MPRIP: variants seen among roughly 807,000 people sequenced by gnomAD.
The protein encoded by MPRIP is myosin phosphatase Rho interacting protein, also known as myosin phosphatase Rho-interacting protein.
A neutral mutation model predicts 234.9 loss-of-function variants in MPRIP; 59 were observed. The observed-to-expected ratio is 0.25, with a 90% confidence interval of 0.20 to 0.31. MPRIP has a LOEUF of 0.31. Among genes scored for constraint, MPRIP ranks in the 10% least tolerant of loss-of-function variants. The pLI is 1.00. For missense variants in MPRIP, 2,436 were observed against 3,071.0 expected (o/e 0.79, Z 4.89); for synonymous variants, 1,144 against 1,263.9 (o/e 0.91, Z 2.01).
Position 17,122,600 on chromosome 17 carries a change from G to A in MPRIP, c.268-4102G>A, listed in dbSNP as rs559988914. Among the ~76,000 whole-genome samples, 5 of 152,256 alleles carry A rather than the reference G, an allele frequency of 3.3e-5. No homozygotes were observed. The East Asian group carries it at 7.7e-4, about 24-fold the overall frequency. On this transcript the variant is annotated intron_variant, in intron 3 of 23. Transcript: ENST00000651222. Reference sequence around the variant, plus strand: ...GATCTCCTGACCTCGTGATCCGCCCGTCTTGGCCTCCCAAAGTGCTGGGAT... The same window carrying A: ...GATCTCCTGACCTCGTGATCCGCCCATCTTGGCCTCCCAAAGTGCTGGGAT...
intron 12 of MPRIP, among the ~76,000 whole-genome samples, chr17:17,152,043 A>G (rs1341400932): frequency 6.6e-6 from 1 of 152,200 alleles, no homozygotes; most frequent in Non-Finnish European, 1.5e-5. Flanking sequence ...TGAAGTATAG[A>G]CCCAAAGGCC....
chr17:17,096,562 A>G (rs997344987), intron 3 of MPRIP, among the ~76,000 whole-genome samples: 1 of 152,078 alleles, frequency 6.6e-6, no homozygotes, highest in Admixed American at 6.5e-5. Flanking sequence ...AGTTTATCTC[A>G]TTTCCCTCTG....
At chr17:17,130,859 A>G (rs1056811034) in intron 4 of MPRIP, among the ~76,000 whole-genome samples, 12 of 152,110 alleles carry the variant, frequency 7.9e-5, no homozygotes, top group East Asian at 5.8e-4. Flanking sequence ...GTAAAATTCT[A>G]TATGGTGGAA....
Position 17,138,319 on chromosome 17 carries a change from G to C in MPRIP, c.1140G>C (p.Arg380Ser). 1 of 376,792 alleles carries C rather than the reference G, an allele frequency of 2.7e-6. No individual in the cohort carries two copies. Among genetic ancestry groups the C allele is most frequent in the South Asian group, 9.5e-5 (1 of 10,494 alleles). The allele number at this position is 376,792 out of a possible 1,614,324, so 23.3% of individuals were successfully genotyped here. Residue 380 changes from arginine to serine, a missense_variant, in exon 7 of 24, where the codon AGG becomes AGC. By Grantham distance (110) the Arg-to-Ser change is moderately radical. Around this residue, in one of 4 missense-constraint regions of MPRIP, gnomAD observed 267 missense variants for 252.7 expected, o/e 1.06. Coordinates refer to ENST00000651222, the MANE Select transcript of MPRIP (RefSeq NM_001364716.4). The surrounding 1 kb of genome is among the most constrained non-coding windows in gnomAD (Gnocchi z 5.8). ...TGGCCGACGTCCCTAAGGCCATCAG[G>C]ATCAGCCACCGAGAAGCCTTCCAGG... ...ATLADVPKAI[R>S]ISHREAFQVE...
intron 8 of MPRIP, among the ~76,000 whole-genome samples, chr17:17,143,234 TG>T (rs1321625015): frequency 6.6e-6 from 1 of 152,190 alleles, no homozygotes; most frequent in East Asian, 1.9e-4. Context: ...GCCTACTGTC[TG>T]GCCCACAGCT....
intron 3 of MPRIP, among the ~76,000 whole-genome samples, chr17:17,098,713 G>A (rs1303026565): frequency 1.3e-5 from 2 of 152,140 alleles, no homozygotes; most frequent in Non-Finnish European, 2.9e-5. Flanking sequence ...CTGGCTCCCA[G>A]GGCTCCCAAG....
At chr17:17,135,967 C>G (rs963849628) in intron 5 of MPRIP, among the ~76,000 whole-genome samples, 4 of 152,198 alleles carry the variant, frequency 2.6e-5, no homozygotes, top group African/African-American at 9.7e-5. Flanking sequence ...GATGCTGGAC[C>G]TGTCTCGAGG....
chr17:17,142,876 T>G, intron 8 of MPRIP, 111 bp downstream of exon 8: 1 of 1,266,306 alleles, frequency 7.9e-7, no homozygotes, highest in South Asian at 1.5e-5. Flanking sequence ...CCTGCCAGGC[T>G]TCTCTCCAAC....
At position 17,095,642 on chromosome 17, in the gene MPRIP, C is replaced by T. The variant is rs1170253739; in HGVS notation, c.267+17566C>T. 3.3e-5 allele frequency among the ~76,000 whole-genome samples: 5 copies of T among 152,088 alleles called. No homozygotes were observed. In the East Asian group the frequency reaches 7.7e-4, roughly 23 times the overall value. ...ACTTCCCCTGCCCCCTCAGCTGTGC[C>T]TGCTGCCCCTGACTCTAGGGGCCCT... On this transcript the variant is annotated intron_variant, in intron 3 of 23. Transcript: ENST00000651222.
At chr17:17,105,368 G>A (rs966053925) in intron 3 of MPRIP, among the ~76,000 whole-genome samples, 1 of 152,182 alleles carries the variant, frequency 6.6e-6, no homozygotes, top group Non-Finnish European at 1.5e-5. Flanking sequence ...CTATTGTGGG[G>A]TCACATATCT....
chr17:17,098,672 G>T (rs1217299588), intron 3 of MPRIP, among the ~76,000 whole-genome samples: 2 of 152,198 alleles, frequency 1.3e-5, no homozygotes, highest in African/African-American at 2.4e-5. Flanking sequence ...GAGAAGCCAG[G>T]CCCTGCTGTG....
chr17:17,078,330 A>G lies in MPRIP; in HGVS notation c.267+254A>G, dbSNP rs533163372. 2.2e-4 allele frequency among the ~76,000 whole-genome samples: 34 copies of G among 152,320 alleles called. No individual in the cohort carries two copies. The highest frequency in any genetic ancestry group is 7.9e-4 in the African/African-American group (33 of 41,574). On this transcript the variant is annotated intron_variant, in intron 3 of 23. Coordinates refer to ENST00000651222, the MANE Select transcript of MPRIP (RefSeq NM_001364716.4). This position sits in a 1 kb window ranked among gnomAD's most constrained non-coding sequence, Gnocchi z 4.3. ...TGAGGGAGGAAGTCATTTCTGTTGA[A>G]GGCTAATAGTGTGGACTTCACTGGA...
At chr17:17,090,649 A>G (rs2089693495) in intron 3 of MPRIP, among the ~76,000 whole-genome samples, 1 of 152,328 alleles carries the variant, frequency 6.6e-6, no homozygotes, top group Non-Finnish European at 1.5e-5. Context: ...GTCTGTGATC[A>G]GTGTAGAGGT....
intron 6 of MPRIP, 22 bp from the exon 7 acceptor site, chr17:17,137,894 T>TC: frequency 6.5e-7 from 1 of 1,549,100 alleles, no homozygotes; most frequent in Non-Finnish European, 8.7e-7. Context: ...GTGCGTCTCC[T>TC]CCCTCCCACT....
chr17:17,098,561 G>A (rs2089897539), intron 3 of MPRIP, among the ~76,000 whole-genome samples: 1 of 152,212 alleles, frequency 6.6e-6, no homozygotes, highest in African/African-American at 2.4e-5. Flanking sequence ...GGCTGGCGTG[G>A]CATCGGTGCA....
intron 23 of MPRIP, 81 bp from the exon 24 acceptor site, chr17:17,184,742 G>T: frequency 9.7e-7 from 1 of 1,035,782 alleles, no homozygotes; most frequent in Non-Finnish European, 1.5e-6. Flanking sequence ...CTCCACCAGC[G>T]GTCCGGTCTG....
chr17:17,043,356 G>A (rs776587038), intron 1 of MPRIP, among the ~76,000 whole-genome samples: 9 of 152,170 alleles, frequency 5.9e-5, no homozygotes, highest in Non-Finnish European at 1.2e-4. Context: ...CGGATTGTTG[G>A]GGAGGACTGT....
At chr17:17,056,106 C>T (rs1244832508) in intron 1 of MPRIP, among the ~76,000 whole-genome samples, 1 of 152,192 alleles carries the variant, frequency 6.6e-6, no homozygotes, top group Non-Finnish European at 1.5e-5. Flanking sequence ...CCCCTTGGCC[C>T]CTAGTGTCCA....
intron 16 of MPRIP, chr17:17,168,755 C>A: frequency 2.4e-6 from 1 of 420,774 alleles, no homozygotes; most frequent in Non-Finnish European, 4.8e-6. Flanking sequence ...CAGGAAGCTG[C>A]CCCAGTAAAT....
Sources: allele counts gnomAD v4.1 joint callset (sites outside exome capture counted in the v4.1 genomes callset), GRCh38; gene constraint gnomAD v4.1.1; regional missense constraint gnomAD v4.1.1; non-coding constraint Gnocchi (gnomAD v3.1); transcripts MANE v1.5; gene names NCBI Gene and HGNC (gene_info 2026-07-23, HGNC 2026-07-21).